FOXN3: variants seen among roughly 807,000 people sequenced by gnomAD.
The protein encoded by FOXN3 is forkhead box N3.
A neutral mutation model predicts 38.4 loss-of-function variants in FOXN3; 7 were observed. The ratio of observed to expected loss-of-function variants is 0.18; its 90% CI spans 0.10 to 0.34. The LOEUF (loss-of-function observed/expected upper bound fraction) is 0.34, where lower values mean the gene tolerates loss of function less well. Among genes scored for constraint, FOXN3 ranks in the 10% least tolerant of loss-of-function variants. The pLI is 1.00. For synonymous variants in FOXN3, 230 were observed against 242.2 expected (o/e 0.95, Z 0.47); for missense variants, 456 against 613.4 (o/e 0.74, Z 2.71).
chr14:89,522,352 A>G (rs1894337989), intron 1 of FOXN3, among the ~76,000 whole-genome samples: 1 of 152,226 alleles, frequency 6.6e-6, no homozygotes. Context: ...GACCTGCACT[A>G]TAAGAAATGT....
chr14:89,461,874 C>T (rs887864879), intron 1 of FOXN3, among the ~76,000 whole-genome samples: 2 of 152,174 alleles, frequency 1.3e-5, no homozygotes, highest in Admixed American at 6.6e-5. Flanking sequence ...TGATAGCACC[C>T]AGGCATCCAA....
intron 3 of FOXN3, among the ~76,000 whole-genome samples, chr14:89,325,320 CA>C (rs1888037704): frequency 1.4e-5 from 1 of 73,422 alleles, no homozygotes; most frequent in African/African-American, 6.5e-5. Flanking sequence ...CCACGACCAC[CA>C]CCACCACCAC....
At chr14:89,499,889 G>A (rs544516945) in intron 1 of FOXN3, among the ~76,000 whole-genome samples, 56 of 151,310 alleles carry the variant, frequency 3.7e-4, no homozygotes, top group Non-Finnish European at 7.4e-4. Flanking sequence ...TGTTTGGCTT[G>A]GGTTTTTTGT....
chr14:89,301,729 C>T (rs1490189497), intron 3 of FOXN3, among the ~76,000 whole-genome samples: 1 of 152,100 alleles, frequency 6.6e-6, no homozygotes, highest in Non-Finnish European at 1.5e-5. Context: ...GATCATGCCA[C>T]TGCACTCCAG....
intron 4 of FOXN3, among the ~76,000 whole-genome samples, chr14:89,185,205 G>A (rs1267192428): frequency 2.0e-5 from 3 of 152,152 alleles, no homozygotes; most frequent in African/African-American, 4.8e-5. Context: ...GAGAGATGGC[G>A]GATGTGCTCG....
At chr14:89,206,322 G>A (rs1888384427) in intron 4 of FOXN3, among the ~76,000 whole-genome samples, 1 of 152,210 alleles carries the variant, frequency 6.6e-6, no homozygotes, top group Non-Finnish European at 1.5e-5. Flanking sequence ...CGGGCCAAAC[G>A]TGGTCTCCTC....
intron 1 of FOXN3, among the ~76,000 whole-genome samples, chr14:89,544,723 C>T (rs1426272898): frequency 6.6e-6 from 1 of 152,186 alleles, no homozygotes. Flanking sequence ...ACCTTACACA[C>T]CTATGTTTTC....
chr14:89,326,599 C>T (rs139250619), intron 3 of FOXN3, among the ~76,000 whole-genome samples: 101 of 151,970 alleles, frequency 6.6e-4, no homozygotes, highest in African/African-American at 2.3e-3. Context: ...CAGGCTCTGT[C>T]GAGAGAGCAA....
chr14:89,236,714 T>G (rs1347689379), intron 4 of FOXN3, among the ~76,000 whole-genome samples: 1 of 152,214 alleles, frequency 6.6e-6, no homozygotes, highest in African/African-American at 2.4e-5. Context: ...GGAGGCCTAA[T>G]GCCCTCTCCC....
intron 3 of FOXN3, among the ~76,000 whole-genome samples, chr14:89,319,738 T>C (rs1333432984): frequency 2.0e-5 from 3 of 152,142 alleles, no homozygotes; most frequent in Non-Finnish European, 4.4e-5. Flanking sequence ...ATGATGTAGC[T>C]CCATTTTATA....
intron 2 of FOXN3, among the ~76,000 whole-genome samples, chr14:89,384,315 G>A (rs1021411852): frequency 7.8e-6 from 1 of 127,762 alleles, no homozygotes; most frequent in Non-Finnish European, 1.8e-5. Flanking sequence ...TGCTCACTTT[G>A]CAGATATAGA....
At position 89,375,869 on chromosome 14, in the gene FOXN3, C is replaced by A. The variant is rs1890464125; in HGVS notation, c.544-25061G>T. 2.0e-5 allele frequency among the ~76,000 whole-genome samples: 3 copies of A among 152,188 alleles called. No individual in the cohort carries two copies. The South Asian group carries it at 6.2e-4, about 32-fold the overall frequency. On this transcript the variant is annotated intron_variant, in intron 2 of 5. Transcript: ENST00000557258. The stretch of plus-strand genomic sequence containing the variant: ...ACTGCAACCTCCCTCTGCCCCCAGC[C>A]CCCCAGATTCAAGCAATTCTCCTGC...
chr14:89,469,957 C>T (rs1423107125), intron 1 of FOXN3, among the ~76,000 whole-genome samples: 1 of 152,260 alleles, frequency 6.6e-6, no homozygotes, highest in Non-Finnish European at 1.5e-5. Flanking sequence ...CAACCAGCTT[C>T]AGTCATGCAG....
chr14:89,371,889 C>G (rs1266232430), intron 2 of FOXN3, among the ~76,000 whole-genome samples: 1 of 152,132 alleles, frequency 6.6e-6, no homozygotes, highest in African/African-American at 2.4e-5. Flanking sequence ...CTATTATCTG[C>G]TCTTCTCCTT....
intron 2 of FOXN3, among the ~76,000 whole-genome samples, chr14:89,407,776 A>C (rs765584119): frequency 6.6e-5 from 10 of 152,216 alleles, no homozygotes; most frequent in Non-Finnish European, 1.2e-4. Flanking sequence ...GGCTGCAATA[A>C]GCCATGATTA....
chr14:89,397,963 G>A (rs961005820), intron 2 of FOXN3, among the ~76,000 whole-genome samples: 2 of 152,098 alleles, frequency 1.3e-5, no homozygotes, highest in Non-Finnish European at 2.9e-5. Flanking sequence ...GACAAGCCAC[G>A]TCTGATGACT....
At chr14:89,210,773 G>C (rs1014406963) in intron 4 of FOXN3, among the ~76,000 whole-genome samples, 1 of 152,198 alleles carries the variant, frequency 6.6e-6, no homozygotes, top group Admixed American at 6.5e-5. Context: ...AGGTGCTATC[G>C]AGTCAGCCCC....
rs181520325 is a variant in FOXN3 at position 89,432,413 on chromosome 14, G to T, written c.-14-19923C>A. Among the ~76,000 whole-genome samples, 22 of 152,292 alleles carry T rather than the reference G, an allele frequency of 1.4e-4. No homozygotes were observed. The East Asian group carries it at 3.5e-3, about 24-fold the overall frequency. ...AATGAACACCAAGTACCCAATGACTGCGATCCAAAGGATTATAAAACATGC... is the reference window on the plus strand; with the variant it reads ...AATGAACACCAAGTACCCAATGACTTCGATCCAAAGGATTATAAAACATGC... On this transcript the variant is annotated intron_variant, in intron 1 of 6. Coordinates refer to the FOXN3 transcript ENST00000345097.
intron 2 of FOXN3, among the ~76,000 whole-genome samples, chr14:89,375,312 TA>T (rs1182607957): frequency 6.6e-6 from 1 of 152,116 alleles, no homozygotes; most frequent in Non-Finnish European, 1.5e-5. Context: ...AAGTTTTTTT[TA>T]AAAAAGCAAA....
Sources: gnomAD v4.1 joint callset for allele counts (sites outside exome capture counted in the v4.1 genomes callset) on GRCh38, gnomAD v4.1.1 for gene constraint, MANE v1.5 for transcripts, NCBI Gene and HGNC (gene_info 2026-07-23, HGNC 2026-07-21) for gene names.